SIDT1: variants seen among roughly 807,000 people sequenced by gnomAD.
SIDT1 encodes SID1 transmembrane family, member 1.
A neutral mutation model predicts 107.5 loss-of-function variants in SIDT1; 101 were observed. That is an observed-to-expected ratio of 0.94 (90% CI 0.80 to 1.11). The LOEUF (loss-of-function observed/expected upper bound fraction) is 1.11. Ranked by LOEUF, SIDT1 falls within the 50% of genes least tolerant of loss-of-function variation. The probability of loss-of-function intolerance (pLI) is 0.00; values close to 1 mark genes in which losing one functional copy is unlikely to be tolerated. For synonymous variants in SIDT1, 395 were observed against 398.2 expected, an observed-to-expected ratio of 0.99 and a Z score of 0.10; for missense variants, 1,076 against 1,058.2, an observed-to-expected ratio of 1.02 and a Z score of -0.23.
At chr3:113,533,382 C>A in intron 1 of SIDT1, 139 bp downstream of exon 1, 1 of 624,794 alleles carries the variant, frequency 1.6e-6, no homozygotes, top group Non-Finnish European at 2.5e-6. Flanking sequence ...TCCTCCGAAG[C>A]AATCGCTGCC....
chr3:113,580,158 G>A (rs888832091), intron 4 of SIDT1, among the ~76,000 whole-genome samples: 14 of 152,106 alleles, frequency 9.2e-5, no homozygotes, highest in African/African-American at 3.4e-4. Context: ...CCTATGGGAA[G>A]GTGGTTAAAA....
intron 1 of SIDT1, among the ~76,000 whole-genome samples, chr3:113,549,383 T>TGAGA (rs1939957867): frequency 6.6e-6 from 1 of 152,228 alleles, no homozygotes; most frequent in Non-Finnish European, 1.5e-5. Context: ...CAGCAATGAA[T>TGAGA]GAGAGTTCCT....
At chr3:113,549,458 G>A (rs559511961) in intron 1 of SIDT1, among the ~76,000 whole-genome samples, 24 of 152,268 alleles carry the variant, frequency 1.6e-4, no homozygotes, top group African/African-American at 5.3e-4. Context: ...ATTCTAATAA[G>A]TGTATAGTGG....
At chr3:113,534,796 G>T (rs1258619829) in intron 1 of SIDT1, among the ~76,000 whole-genome samples, 1 of 152,238 alleles carries the variant, frequency 6.6e-6, no homozygotes, top group Non-Finnish European at 1.5e-5. Flanking sequence ...ATTTCTTGCA[G>T]TTCTGCATAG....
At chr3:113,560,477 G>A (rs1307331059) in intron 1 of SIDT1, among the ~76,000 whole-genome samples, 1 of 152,196 alleles carries the variant, frequency 6.6e-6, no homozygotes, top group Non-Finnish European at 1.5e-5. Flanking sequence ...CTCAGTAAAT[G>A]TTTGATGGAT....
intron 17 of SIDT1, among the ~76,000 whole-genome samples, chr3:113,609,068 T>C (rs1945552239): frequency 1.4e-5 from 2 of 140,088 alleles, no homozygotes; most frequent in Admixed American, 1.4e-4. Flanking sequence ...CTTTTTTTTT[T>C]TTTTTTTTTT....
intron 1 of SIDT1, among the ~76,000 whole-genome samples, chr3:113,537,250 ATATAT>A (rs1938280724): frequency 6.6e-6 from 1 of 152,196 alleles, no homozygotes. Flanking sequence ...TTTTAATGAC[ATATAT>A]TATACTTTTC....
intron 3 of SIDT1, among the ~76,000 whole-genome samples, chr3:113,574,008 C>A (rs1942697853): frequency 6.6e-6 from 1 of 152,028 alleles, no homozygotes; most frequent in Non-Finnish European, 1.5e-5. Context: ...CTCCTAGAAG[C>A]AGCTGGTTTG....
intron 4 of SIDT1, among the ~76,000 whole-genome samples, chr3:113,579,659 T>C (rs2107501606): frequency 6.6e-6 from 1 of 152,326 alleles, no homozygotes; most frequent in South Asian, 2.1e-4. Context: ...GTACTCAAAA[T>C]AGGGTTAGGA....
At position 113,580,728 on chromosome 3, in the gene SIDT1, C is replaced by T. The variant is rs747881051; in HGVS notation, c.663+19C>T. ...TATCATGGTGAGTGCTGATAACTTG[C>T]CAACCTTCTACTATAGAGCATTATA... On this transcript the variant is annotated intron_variant, in intron 5 of 24. Coordinates refer to ENST00000264852, the MANE Select transcript of SIDT1 (RefSeq NM_017699.3). 6.9e-6 allele frequency: 10 copies of T among 1,449,404 alleles called. No individual in the cohort carries two copies. Among genetic ancestry groups the T allele is most frequent in the Admixed American group, 1.7e-5 (1 of 59,690 alleles). The allele number at this position is 1,449,404 out of a possible 1,614,324, so 89.8% of individuals were successfully genotyped here.
At position 113,596,409 on chromosome 3, in the gene SIDT1, T is replaced by C. The variant is rs376644995; in HGVS notation, c.1045+3361T>C. Reference sequence around the variant, plus strand: ...ATTAAGCTGTATGTGAAAATCTCCATGTTAGCTCCAACTATAATAAAAAGC... The same window carrying C: ...ATTAAGCTGTATGTGAAAATCTCCACGTTAGCTCCAACTATAATAAAAAGC... On this transcript the variant is annotated intron_variant, in intron 10 of 24. Transcript: ENST00000264852. Among the ~76,000 whole-genome samples, 9 of 152,330 alleles carry C rather than the reference T, an allele frequency of 5.9e-5. No individual in the cohort carries two copies. The South Asian group carries it at 1.7e-3, about 28-fold the overall frequency.
At chr3:113,535,275 A>C (rs1937997187) in intron 1 of SIDT1, among the ~76,000 whole-genome samples, 1 of 134,572 alleles carries the variant, frequency 7.4e-6, no homozygotes, top group Non-Finnish European at 1.6e-5. Flanking sequence ...CTGTTTTTTC[A>C]AAATGTTTTT....
intron 6 of SIDT1, 76 bp downstream of exon 6, chr3:113,581,520 A>T (rs1191111646): frequency 1.7e-6 from 2 of 1,166,954 alleles, no homozygotes; most frequent in East Asian, 4.7e-5. Flanking sequence ...GCCAGCATCC[A>T]AAAGGGATGG....
intron 1 of SIDT1, among the ~76,000 whole-genome samples, chr3:113,544,024 T>C (rs1028796208): frequency 6.6e-6 from 1 of 152,230 alleles, no homozygotes; most frequent in Non-Finnish European, 1.5e-5. Context: ...CTATTTTATA[T>C]AACTTAGTCA....
chr3:113,532,940 C>A lies in SIDT1; in HGVS notation c.-82C>A. 4.0e-6 allele frequency: 4 copies of A among 994,126 alleles called. No individual in the cohort carries two copies. The highest frequency in any genetic ancestry group is 2.7e-6 in the Non-Finnish European group (2 of 748,984). 61.6% of individuals were successfully genotyped at this position (994,126 alleles called of 1,614,324 possible). On this transcript the variant is annotated 5_prime_UTR_variant, in exon 1 of 25. Transcript: ENST00000264852. Reference sequence around the variant, plus strand: ...GCTCTGAAGCGGACGCCTGGCCCTGCACCGGGCTTTGGAAGGACCCTCTCT... The same window carrying A: ...GCTCTGAAGCGGACGCCTGGCCCTGAACCGGGCTTTGGAAGGACCCTCTCT...
intron 19 of SIDT1, among the ~76,000 whole-genome samples, chr3:113,615,497 A>G (rs1366803891): frequency 1.3e-5 from 2 of 152,134 alleles, no homozygotes; most frequent in South Asian, 2.1e-4. Flanking sequence ...GCTGCATTTC[A>G]TATCATCCTT....
chr3:113,611,640 T>C (rs1402015301), intron 18 of SIDT1, among the ~76,000 whole-genome samples: 4 of 152,182 alleles, frequency 2.6e-5, no homozygotes, highest in African/African-American at 4.8e-5. Context: ...ATTTTAATAA[T>C]GTATTAGGCA....
intron 1 of SIDT1, among the ~76,000 whole-genome samples, chr3:113,559,958 G>C (rs1466111841): frequency 1.3e-5 from 2 of 152,220 alleles, no homozygotes; most frequent in East Asian, 3.9e-4. Context: ...CCAGAGTTGG[G>C]TACAGTGGAG....
chr3:113,603,561 A>G lies in SIDT1; in HGVS notation c.1264-399A>G, dbSNP rs563643716. On this transcript the variant is annotated intron_variant, in intron 12 of 24. Transcript: ENST00000264852. Reference sequence around the variant, plus strand: ...ATTATTATTTTCTGTCATATCCAGCAAAAGATATGAAGGGGAAACGTACAG... The same window carrying G: ...ATTATTATTTTCTGTCATATCCAGCGAAAGATATGAAGGGGAAACGTACAG... Among the ~76,000 whole-genome samples the G allele has an allele frequency of 3.9e-5, 6 of 152,320 alleles. No homozygotes were observed. The South Asian group carries it at 1.2e-3, about 32-fold the overall frequency.
Sources: allele counts gnomAD v4.1 joint callset (sites outside exome capture counted in the v4.1 genomes callset), GRCh38; gene constraint gnomAD v4.1.1; transcripts MANE v1.5; gene names NCBI Gene and HGNC (gene_info 2026-07-23, HGNC 2026-07-21).